Variants in ARID1B observed in about 807,000 individuals in gnomAD.
ARID1B encodes AT-rich interaction domain 1B, also known as AT-rich interactive domain-containing protein 1B.
A neutral mutation model predicts 212.3 loss-of-function variants in ARID1B; 30 were observed. That is an observed-to-expected ratio of 0.14 (90% CI 0.11 to 0.19). The LOEUF (loss-of-function observed/expected upper bound fraction) is 0.19, where lower values mean the gene tolerates loss of function less well. ARID1B is among the 10% of genes least tolerant of loss of function. The pLI is 1.00. For synonymous variants in ARID1B, 1,402 were observed against 1,301.7 expected, an observed-to-expected ratio of 1.08 and a Z score of -1.66; for missense variants, 2,891 against 3,204.0, an observed-to-expected ratio of 0.90 and a Z score of 2.36.
At chr6:157,079,752 G>A (rs1784521238) in intron 4 of ARID1B, among the ~76,000 whole-genome samples, 1 of 152,116 alleles carries the variant, frequency 6.6e-6, no homozygotes, top group Non-Finnish European at 1.5e-5. Flanking sequence ...TATAAATTTA[G>A]TGATATTTAC....
intron 2 of ARID1B, among the ~76,000 whole-genome samples, chr6:156,898,978 GCAAA>G (rs1206516218): frequency 6.6e-6 from 1 of 152,148 alleles, no homozygotes; most frequent in East Asian, 1.9e-4. Flanking sequence ...TCTCAAACAA[GCAAA>G]CAAAGAGTTA....
rs190041558 is a variant in ARID1B, at chr6:156,990,276, G to A, written c.2247+54700G>A. Among the ~76,000 whole-genome samples the A allele has an allele frequency of 6.5e-4, 98 of 151,184 alleles. 1 individual carries two copies. In the East Asian group the frequency reaches 0.017, roughly 26 times the overall value. ...GCAGCCTGGAACTCCCGGCTCAAGC[G>A]ATTCTCCCACCTCAGCCTCTTGAGT... On this transcript the variant is annotated intron_variant, in intron 4 of 19. Transcript: ENST00000636930.
At position 156,983,604 on chromosome 6, in the gene ARID1B, G is replaced by A. The variant is rs183206926; in HGVS notation, c.2247+48028G>A. Among the ~76,000 whole-genome samples, 370 of 152,208 alleles carry A rather than the reference G, an allele frequency of 2.4e-3. 3 individuals carry two copies. Among genetic ancestry groups the A allele is most frequent in the African/African-American group, 6.7e-3 (279 of 41,528 alleles). Reference sequence around the variant, plus strand: ...CGTGTTCTGCTTGGAGGACATGGTGGGTGAAGTCTAAGCCTGGTTGCTGAC... The same window carrying A: ...CGTGTTCTGCTTGGAGGACATGGTGAGTGAAGTCTAAGCCTGGTTGCTGAC... On this transcript the variant is annotated intron_variant, in intron 4 of 19. Coordinates refer to ENST00000636930, the MANE Select transcript of ARID1B (RefSeq NM_001374828.1).
intron 7 of ARID1B, among the ~76,000 whole-genome samples, chr6:157,137,151 A>G (rs1233244119): frequency 2.0e-5 from 3 of 152,196 alleles, no homozygotes; most frequent in African/African-American, 7.2e-5. Context: ...ACTGCTCTAC[A>G]GCCTGGGTGG....
Position 157,084,627 on chromosome 6 carries a change from G to A in ARID1B, c.2248-35G>A, listed in dbSNP as rs3734440. 0.52 allele frequency: 830,089 copies of A among 1,598,460 alleles called. 218,748 individuals are homozygous for A. The highest frequency in any genetic ancestry group is 0.59 in the Admixed American group (34,748 of 58,808). The stretch of plus-strand genomic sequence containing the variant: ...CTTTTGATGAGATATTCATCCAAAC[G>A]TGTCACTCTATAAATACATCTTTTC... On this transcript the variant is annotated intron_variant, in intron 4 of 19. Transcript: ENST00000636930.
chr6:156,932,144 AAG>A (rs1791783778), intron 3 of ARID1B, among the ~76,000 whole-genome samples: 1 of 95,230 alleles, frequency 1.1e-5, no homozygotes, highest in East Asian at 4.1e-4. Context: ...AAAAAAAAAA[AAG>A]GGGGGGGGCG....
At chr6:156,943,582 G>A (rs2236421) in intron 4 of ARID1B, 32,717 of 151,604 alleles carry the variant, frequency 0.22, 5,217 homozygotes, top group African/African-American at 0.44. Flanking sequence ...TACTTGGTTC[G>A]TGATTGAGAT....
intron 1 of ARID1B, among the ~76,000 whole-genome samples, chr6:156,807,688 G>T (rs1781271587): frequency 6.6e-6 from 1 of 152,128 alleles, no homozygotes; most frequent in African/African-American, 2.4e-5. Flanking sequence ...AGATGATATT[G>T]TACGTGTTCT....
chr6:156,777,929 C>T lies in ARID1B; in HGVS notation c.249C>T (p.Asn83=), dbSNP rs2114956565. 1 of 1,527,290 alleles carries T rather than the reference C, an allele frequency of 6.5e-7. No individual in the cohort carries two copies. Among genetic ancestry groups the T allele is most frequent in the Non-Finnish European group, 8.7e-7 (1 of 1,143,846 alleles). The allele number at this position is 1,527,290 out of a possible 1,614,324, so 94.6% of individuals were successfully genotyped here. The change falls in exon 1 of 20, where the codon AAC becomes AAT. Residue 83 remains asparagine (N), a synonymous_variant. Transcript: ENST00000636930. ...CCCTGCTCCCCCGTCACGAACTCAA[C>T]ATGGCCCATAACGCGGGCGCCGCGG... is the stretch of plus-strand genomic sequence containing the variant. ...HHPLLPRHEL[N]MAHNAGAAAA...
chr6:157,008,060 G>C (rs17088010), intron 4 of ARID1B, among the ~76,000 whole-genome samples: 2,953 of 152,254 alleles, frequency 0.019, 81 homozygotes, highest in African/African-American at 0.065. Context: ...GCAAATAAGT[G>C]CTATTACAGA....
Position 157,203,062 on chromosome 6 carries a change from A to G in ARID1B, c.5264-804A>G, listed in dbSNP as rs1432028458. Among the ~76,000 whole-genome samples, 2 of 152,174 alleles carry G rather than the reference A, an allele frequency of 1.3e-5. No individual in the cohort carries two copies. Among genetic ancestry groups the G allele is most frequent in the African/African-American group, 4.8e-5 (2 of 41,432 alleles). ...ATGTAGCTATCTTAGAAAATTTTAA[A>G]ACAGATAAAATAAAAGTGGAAAAGC... On this transcript the variant is annotated intron_variant, in intron 18 of 19. Transcript: ENST00000636930. The surrounding 1 kb of genome is among the most constrained non-coding windows in gnomAD (Gnocchi z 4.4).
intron 5 of ARID1B, chr6:157,107,583 T>C (rs897778493): frequency 6.6e-6 from 1 of 152,208 alleles, no homozygotes; most frequent in Non-Finnish European, 1.5e-5. Flanking sequence ...GTGTGTGTTA[T>C]CATTGGAGAA....
intron 2 of ARID1B, among the ~76,000 whole-genome samples, chr6:156,897,123 T>G (rs1278141499): frequency 1.3e-5 from 2 of 152,052 alleles, no homozygotes; most frequent in African/African-American, 4.8e-5. Context: ...TGTTGTTGTG[T>G]GTGTTCATGT....
intron 4 of ARID1B, among the ~76,000 whole-genome samples, chr6:157,084,311 A>G (rs1784827538): frequency 6.6e-6 from 1 of 152,180 alleles, no homozygotes; most frequent in Non-Finnish European, 1.5e-5. Context: ...AAGAACCAGC[A>G]TTCCATTCCT....
chr6:157,050,272 A>AT, intron 4 of ARID1B, among the ~76,000 whole-genome samples: 1 of 152,300 alleles, frequency 6.6e-6, no homozygotes, highest in African/African-American at 2.4e-5. Context: ...GTGGCTGGGC[A>AT]TGGTGGCTCA....
chr6:156,939,981 C>G (rs1792545182), intron 4 of ARID1B: 1 of 152,152 alleles, frequency 6.6e-6, no homozygotes, highest in African/African-American at 2.4e-5. Flanking sequence ...TTATAAAACA[C>G]TATATAAGCA....
At chr6:156,804,867 CAAAAAAAAAA>C (rs61315445) in intron 1 of ARID1B, among the ~76,000 whole-genome samples, 1 of 85,084 alleles carries the variant, frequency 1.2e-5, no homozygotes, top group African/African-American at 4.3e-5. Flanking sequence ...ATCTGATTGG[CAAAAAAAAAA>C]AAAAAAAAAA....
chr6:156,828,950 G>A (rs1342581237), intron 1 of ARID1B, among the ~76,000 whole-genome samples: 1 of 152,124 alleles, frequency 6.6e-6, no homozygotes, highest in Non-Finnish European at 1.5e-5. Flanking sequence ...AGATGCAAAT[G>A]TTTTCTCTCT....
chr6:156,992,297 C>T (rs1331172147), intron 4 of ARID1B, among the ~76,000 whole-genome samples: 1 of 152,102 alleles, frequency 6.6e-6, no homozygotes, highest in Non-Finnish European at 1.5e-5. Flanking sequence ...GGTATCATTG[C>T]AGTTCGGTTG....
Sources: gnomAD v4.1 joint callset for allele counts (sites outside exome capture counted in the v4.1 genomes callset) on GRCh38, gnomAD v4.1.1 for gene constraint, Gnocchi (gnomAD v3.1) non-coding constraint, MANE v1.5 for transcripts, NCBI Gene and HGNC (gene_info 2026-07-23, HGNC 2026-07-21) for gene names.